The following GAS7 variants were observed in gnomAD, a reference collection of about 807,000 sequenced individuals.
The protein encoded by GAS7 is growth arrest specific 7.
Under a neutral mutation model 71.1 loss-of-function variants are expected in GAS7, and 28 were observed. That is an observed-to-expected ratio of 0.39 (90% CI 0.29 to 0.54). GAS7 has a LOEUF of 0.54. GAS7 is among the 20% of genes least tolerant of loss of function. GAS7 has a pLI of 0.62. For missense variants in GAS7, 436 were observed against 627.8 expected (o/e 0.69, Z 3.27); for synonymous variants, 258 against 245.8 (o/e 1.05, Z -0.46).
At chr17:9,971,452 T>A (rs143051136) in intron 3 of GAS7, among the ~76,000 whole-genome samples, 1 of 152,038 alleles carries the variant, frequency 6.6e-6, no homozygotes, top group Non-Finnish European at 1.5e-5. Flanking sequence ...GTAGTTCCAG[T>A]AACTCGGGAG....
In GAS7 at chr17:10,146,118, C is replaced by T. The variant is rs1597818536; in HGVS notation, c.183+52090G>A. On this transcript the variant is annotated intron_variant, in intron 1 of 13. Coordinates refer to ENST00000432992, the MANE Select transcript of GAS7 (RefSeq NM_201433.2). ...GGAAGCATCTGGTTCTCCCCAAACT[C>T]GGGGGTAAAACTGTCCACATCGAGC... 3.9e-5 allele frequency among the ~76,000 whole-genome samples: 6 copies of T among 152,168 alleles called. No homozygotes were observed. In the South Asian group the frequency reaches 1.2e-3, roughly 32 times the overall value.
At chr17:10,157,751 T>G (rs932252136) in intron 1 of GAS7, among the ~76,000 whole-genome samples, 5 of 152,094 alleles carry the variant, frequency 3.3e-5, no homozygotes, top group East Asian at 1.9e-4. Flanking sequence ...CCGCAAAAAA[T>G]TTAAAAGCCA....
In GAS7 at chr17:9,934,260, C is replaced by G. The variant is rs772792275; in HGVS notation, c.807-16G>C. On this transcript the variant is annotated splice_polypyrimidine_tract_variant and intron_variant, in intron 8 of 13. Coordinates refer to ENST00000432992, the MANE Select transcript of GAS7 (RefSeq NM_201433.2). ...TCCCAAGGAGCTGCAACACAAAGACCATGAGACTCAGGTCACAAGCCAAAG... is the reference window on the plus strand; with the variant it reads ...TCCCAAGGAGCTGCAACACAAAGACGATGAGACTCAGGTCACAAGCCAAAG... 12 of 1,573,554 alleles carry G rather than the reference C, an allele frequency of 7.6e-6. No individual in the cohort carries two copies. Among genetic ancestry groups the G allele is most frequent in the Non-Finnish European group, 1.0e-5 (12 of 1,145,236 alleles).
chr17:9,982,978 AT>A (rs1229914962), intron 2 of GAS7, among the ~76,000 whole-genome samples: 1 of 152,242 alleles, frequency 6.6e-6, no homozygotes, highest in Admixed American at 6.5e-5. Context: ...TTATGAAGTT[AT>A]CTAGTGATAA....
chr17:9,928,401 C>T (rs1222632337), intron 9 of GAS7, among the ~76,000 whole-genome samples: 3 of 151,942 alleles, frequency 2.0e-5, no homozygotes, highest in Non-Finnish European at 2.9e-5. Flanking sequence ...GGATTACAGG[C>T]GTGAGCCACC....
intron 1 of GAS7, among the ~76,000 whole-genome samples, chr17:10,179,104 C>A (rs964265253): frequency 1.3e-5 from 2 of 151,906 alleles, no homozygotes; most frequent in African/African-American, 4.8e-5. Context: ...CTGAGGTGGG[C>A]GGATCACCTG....
At chr17:10,140,307 T>A (rs890849519) in intron 1 of GAS7, among the ~76,000 whole-genome samples, 1 of 151,972 alleles carries the variant, frequency 6.6e-6, no homozygotes, top group African/African-American at 2.4e-5. Flanking sequence ...ACAAACAATT[T>A]AAAAATTCGC....
intron 1 of GAS7, among the ~76,000 whole-genome samples, chr17:10,041,697 C>G (rs2072873362): frequency 6.6e-6 from 1 of 152,178 alleles, no homozygotes; most frequent in Non-Finnish European, 1.5e-5. Context: ...ATTAACCATC[C>G]TTAGTGATTA....
Position 10,115,176 on chromosome 17 carries a change from G to A in GAS7, c.183+83032C>T, listed in dbSNP as rs1310118835. 5.9e-5 allele frequency among the ~76,000 whole-genome samples: 9 copies of A among 152,328 alleles called. 1 individual carries two copies. The South Asian group carries it at 1.2e-3, about 21-fold the overall frequency. On this transcript the variant is annotated intron_variant, in intron 1 of 13. Transcript: ENST00000432992. ...CAAATGAAAAGACATAAATTAGGAC[G>A]GGGGCTTATGGGATGGAGGAAAACA...
At chr17:10,126,902 C>G (rs761069496) in intron 1 of GAS7, among the ~76,000 whole-genome samples, 5 of 152,186 alleles carry the variant, frequency 3.3e-5, no homozygotes, top group Non-Finnish European at 5.9e-5. Context: ...CTCTTTGGGT[C>G]TCTGTTTCTT....
intron 9 of GAS7, among the ~76,000 whole-genome samples, chr17:9,929,152 G>A (rs1418081342): frequency 1.3e-5 from 2 of 152,276 alleles, no homozygotes; most frequent in African/African-American, 2.4e-5. Context: ...GCAGCTGTAC[G>A]ACTCCGGGAA....
chr17:10,006,816 C>T (rs1205675098), intron 2 of GAS7, among the ~76,000 whole-genome samples: 1 of 152,156 alleles, frequency 6.6e-6, no homozygotes, highest in Non-Finnish European at 1.5e-5. Context: ...ATACACAAGT[C>T]AGCCACGCTG....
chr17:10,000,010 G>A (rs1044443503), intron 2 of GAS7, among the ~76,000 whole-genome samples: 8 of 151,836 alleles, frequency 5.3e-5, no homozygotes, highest in Non-Finnish European at 7.4e-5. Context: ...ACGTCAGAGC[G>A]CATCAGAATC....
At chr17:10,155,648 T>G in intron 1 of GAS7, among the ~76,000 whole-genome samples, 1 of 152,158 alleles carries the variant, frequency 6.6e-6, no homozygotes, top group Admixed American at 6.5e-5. Flanking sequence ...GGTACCATTC[T>G]TCTGGTCCTC....
In GAS7 at chr17:9,926,301, G is replaced by C. The variant is rs2067997056; in HGVS notation, c.1014+340C>G. On this transcript the variant is annotated intron_variant, in intron 10 of 13. Transcript: ENST00000432992. The surrounding 1 kb of genome is among the most constrained non-coding windows in gnomAD (Gnocchi z 5.0). ...AGTCAGGACGACTCAGCCAGGTGAGGCTTAAACACGGGGCCCCACGTGAAC... is the reference window on the plus strand; with the variant it reads ...AGTCAGGACGACTCAGCCAGGTGAGCCTTAAACACGGGGCCCCACGTGAAC... Among the ~76,000 whole-genome samples, 1 of 152,150 alleles carries C rather than the reference G, an allele frequency of 6.6e-6. No homozygotes were observed. The highest frequency in any genetic ancestry group is 2.4e-5 in the African/African-American group (1 of 41,418).
Position 9,917,192 on chromosome 17 carries a change from T to A in GAS7, c.*36A>T. The A allele has an allele frequency of 2.7e-5, 28 of 1,026,918 alleles. No individual in the cohort carries two copies. The highest frequency in any genetic ancestry group is 3.7e-5 in the Non-Finnish European group (24 of 645,494). 63.6% of individuals were successfully genotyped at this position (1,026,918 alleles called of 1,614,324 possible). Reference sequence around the variant, plus strand: ...CCCCATGGTGGGAGCCCAGCCCCCCTCCCCAGCAGGACCCCCCGAAGCTGC... The same window carrying A: ...CCCCATGGTGGGAGCCCAGCCCCCCACCCCAGCAGGACCCCCCGAAGCTGC... On this transcript the variant is annotated 3_prime_UTR_variant, in exon 14 of 14. Coordinates refer to ENST00000432992, the MANE Select transcript of GAS7 (RefSeq NM_201433.2).
In GAS7 at chr17:9,984,263, A is replaced by G. The variant is rs80000826; in HGVS notation, c.305-2379T>C. Among the ~76,000 whole-genome samples the G allele has an allele frequency of 4.5e-3, 692 of 152,142 alleles. 14 individuals carry two copies. The highest frequency in any genetic ancestry group is 0.042 in the East Asian group (219 of 5,180). On this transcript the variant is annotated intron_variant, in intron 2 of 13. Coordinates refer to ENST00000432992, the MANE Select transcript of GAS7 (RefSeq NM_201433.2). ...CTCTGATGCTTCATCCAAAATAAAG[A>G]GGTTCGGCTACTTGGTCTCGTAGGC... is the stretch of plus-strand genomic sequence containing the variant.
chr17:10,163,233 C>T (rs1436450039), intron 1 of GAS7, among the ~76,000 whole-genome samples: 1 of 152,124 alleles, frequency 6.6e-6, no homozygotes, highest in East Asian at 1.9e-4. Context: ...GCCTCAGCCT[C>T]CTGAGGAGCT....
At chr17:10,159,304 C>G (rs1048296297) in intron 1 of GAS7, among the ~76,000 whole-genome samples, 1 of 151,568 alleles carries the variant, frequency 6.6e-6, no homozygotes. Context: ...AATCCTACCC[C>G]TAGGTGAATA....
Sources: allele counts gnomAD v4.1 joint callset (sites outside exome capture counted in the v4.1 genomes callset), GRCh38; gene constraint gnomAD v4.1.1; non-coding constraint Gnocchi (gnomAD v3.1); transcripts MANE v1.5; gene names NCBI Gene and HGNC (gene_info 2026-07-23, HGNC 2026-07-21).